Variants in BICC1 observed in about 807,000 individuals in gnomAD.
The protein encoded by BICC1 is protein bicaudal C homolog 1.
A neutral mutation model predicts 111.0 loss-of-function variants in BICC1; 43 were observed. The observed-to-expected ratio is 0.39, with a 90% CI of 0.30 to 0.50. BICC1 has a LOEUF of 0.50. Among genes scored for constraint, BICC1 ranks in the 20% least tolerant of loss-of-function variants. The pLI, the probability that BICC1 is intolerant of heterozygous loss-of-function variation, is 0.88. For synonymous variants in BICC1, 467 were observed against 434.4 expected (o/e 1.07, Z -0.93); for missense variants, 1,091 against 1,203.2 (o/e 0.91, Z 1.38).
chr10:58,718,765 TGCGCGC>T (rs139589306), intron 3 of BICC1, among the ~76,000 whole-genome samples: 1,619 of 148,222 alleles, frequency 0.011, 26 homozygotes, highest in African/African-American at 0.038. Context: ...TGTGTGTGTG[TGCGCGC>T]GCGCGTGCGC....
At chr10:58,785,943 T>TA (rs1842999857) in intron 4 of BICC1, among the ~76,000 whole-genome samples, 1 of 152,162 alleles carries the variant, frequency 6.6e-6, no homozygotes, top group Admixed American at 6.6e-5. Context: ...TCTTCGTTTT[T>TA]AAAAAAATTA....
At chr10:58,520,321 G>A (rs1253117212) in intron 1 of BICC1, among the ~76,000 whole-genome samples, 1 of 152,104 alleles carries the variant, frequency 6.6e-6, no homozygotes, top group African/African-American at 2.4e-5. Context: ...GATGATCTTG[G>A]CAAGAAAATC....
intron 2 of BICC1, among the ~76,000 whole-genome samples, chr10:58,649,108 A>T (rs2132242549): frequency 6.6e-6 from 1 of 152,340 alleles, no homozygotes; most frequent in East Asian, 1.9e-4. Context: ...CATTGGTGAT[A>T]AAAGTGGTGG....
At chr10:58,700,870 G>T (rs947144588) in intron 2 of BICC1, among the ~76,000 whole-genome samples, 2 of 152,170 alleles carry the variant, frequency 1.3e-5, no homozygotes, top group African/African-American at 4.8e-5. Flanking sequence ...GTTTTCCAGA[G>T]AACCAGAAAT....
At chr10:58,735,225 G>A (rs2393487) in intron 3 of BICC1, among the ~76,000 whole-genome samples, 151,887 of 152,314 alleles carry the variant, frequency 1, 75,731 homozygotes, top group Middle Eastern at 1. Flanking sequence ...TGACTGCAAC[G>A]GGGTATTATT....
intron 3 of BICC1, among the ~76,000 whole-genome samples, chr10:58,750,510 G>A (rs759970431): frequency 6.6e-6 from 1 of 152,046 alleles, no homozygotes; most frequent in African/African-American, 2.4e-5. Flanking sequence ...AAGAAATAAC[G>A]AACCTTTGTG....
chr10:58,684,763 T>C (rs936640513), intron 2 of BICC1, among the ~76,000 whole-genome samples: 1 of 152,192 alleles, frequency 6.6e-6, no homozygotes, highest in African/African-American at 2.4e-5. Flanking sequence ...GATTCTTCTC[T>C]CTTCTTTATT....
chr10:58,563,960 T>C (rs1264527076), intron 1 of BICC1, among the ~76,000 whole-genome samples: 1 of 152,228 alleles, frequency 6.6e-6, no homozygotes, highest in Non-Finnish European at 1.5e-5. Flanking sequence ...TTTGTACGGC[T>C]CTTTCTTTTG....
intron 3 of BICC1, among the ~76,000 whole-genome samples, chr10:58,708,658 C>G (rs1840476082): frequency 1.3e-5 from 2 of 152,168 alleles, no homozygotes; most frequent in Admixed American, 1.3e-4. Flanking sequence ...AAGAAGCTGG[C>G]CACTCCACCC....
intron 3 of BICC1, among the ~76,000 whole-genome samples, chr10:58,758,149 C>A (rs776567744): frequency 2.6e-5 from 4 of 152,132 alleles, no homozygotes; most frequent in Non-Finnish European, 5.9e-5. Flanking sequence ...CAGTAGCCGT[C>A]ATTAAAAATT....
intron 3 of BICC1, among the ~76,000 whole-genome samples, chr10:58,741,187 C>T (rs184585971): frequency 3.9e-5 from 6 of 152,088 alleles, no homozygotes; most frequent in East Asian, 1.9e-4. Context: ...AGGTGTTGAC[C>T]GTAATACAGA....
intron 3 of BICC1, among the ~76,000 whole-genome samples, chr10:58,781,400 A>G (rs1842881399): frequency 6.6e-6 from 1 of 152,212 alleles, no homozygotes; most frequent in African/African-American, 2.4e-5. Context: ...GCACTGTGGT[A>G]GTTACAAAAC....
At chr10:58,521,399 C>A (rs979249215) in intron 1 of BICC1, among the ~76,000 whole-genome samples, 2 of 152,156 alleles carry the variant, frequency 1.3e-5, no homozygotes, top group Admixed American at 1.3e-4. Flanking sequence ...GCTGTCCCAA[C>A]CACTTCTGCC....
At position 58,728,116 on chromosome 10, in the gene BICC1, C is replaced by T. The variant is rs763480905; in HGVS notation, c.307+25973C>T. ...TTAGGATGGCTGTGGCAATTTCTTACGAAAGTCAACAATGAAGTTTGCCCC... is the reference window on the plus strand; with the variant it reads ...TTAGGATGGCTGTGGCAATTTCTTATGAAAGTCAACAATGAAGTTTGCCCC... On this transcript the variant is annotated intron_variant, in intron 3 of 20. Coordinates refer to ENST00000373886, the MANE Select transcript of BICC1 (RefSeq NM_001080512.3). Among the ~76,000 whole-genome samples, 30 of 152,206 alleles carry T rather than the reference C, an allele frequency of 2.0e-4. No homozygotes were observed. The Middle Eastern group carries it at 0.01, about 52-fold the overall frequency.
At chr10:58,682,851 A>T (rs1028631524) in intron 2 of BICC1, among the ~76,000 whole-genome samples, 6 of 152,172 alleles carry the variant, frequency 3.9e-5, no homozygotes, top group African/African-American at 1.4e-4. Context: ...CTCTGATGGT[A>T]GTTTCTTTTG....
At chr10:58,730,901 G>A (rs1460573397) in intron 3 of BICC1, among the ~76,000 whole-genome samples, 1 of 152,138 alleles carries the variant, frequency 6.6e-6, no homozygotes, top group East Asian at 1.9e-4. Flanking sequence ...CCCTGCCTAT[G>A]ATGGGAGATT....
chr10:58,787,107 T>C (rs780275261), intron 5 of BICC1, 26 bp downstream of exon 5: 1 of 1,535,486 alleles, frequency 6.5e-7, no homozygotes, highest in East Asian at 2.4e-5. Flanking sequence ...ACATGAACTT[T>C]TATGGGATGA....
intron 1 of BICC1, among the ~76,000 whole-genome samples, chr10:58,560,596 G>A (rs750107218): frequency 2.0e-5 from 3 of 146,532 alleles, no homozygotes; most frequent in Non-Finnish European, 3.0e-5. Context: ...TTCTTTTACC[G>A]ACTTTGGTAG....
chr10:58,687,615 C>T (rs1839777774), intron 2 of BICC1, among the ~76,000 whole-genome samples: 1 of 152,202 alleles, frequency 6.6e-6, no homozygotes, highest in Admixed American at 6.5e-5. Flanking sequence ...AGTTCGAGCT[C>T]AGACTGCTGT....
Sources: gnomAD v4.1 joint callset for allele counts (sites outside exome capture counted in the v4.1 genomes callset) on GRCh38, gnomAD v4.1.1 for gene constraint, MANE v1.5 for transcripts, NCBI Gene and HGNC (gene_info 2026-07-23, HGNC 2026-07-21) for gene names.